Variants in PARL observed in about 807,000 individuals in gnomAD.
The protein encoded by PARL is presenilin-associated rhomboid-like protein, mitochondrial.
PARL carries 44 observed loss-of-function variants against 51.6 expected under a neutral mutation model. The observed-to-expected ratio is 0.85, with a 90% CI of 0.67 to 1.10. The LOEUF is 1.10. PARL is among the 50% of genes least tolerant of loss of function. The pLI is 0.00. For synonymous variants in PARL, 172 were observed against 164.0 expected (o/e 1.05, Z -0.37); for missense variants, 441 against 469.5 (o/e 0.94, Z 0.56).
intron 4 of PARL, chr3:183,844,735 T>C (rs1729751094): frequency 5.6e-6 from 1 of 179,178 alleles, no homozygotes; most frequent in African/African-American, 2.4e-5. Context: ...CCTCAGGGCA[T>C]GGTATGCTTC....
chr3:183,837,929 T>A (rs545854296), intron 7 of PARL, among the ~76,000 whole-genome samples: 6 of 151,752 alleles, frequency 4.0e-5, no homozygotes, highest in Admixed American at 2.6e-4. Context: ...CTTGGCAACA[T>A]AGGGAGACCC....
chr3:183,872,895 A>G (rs993911998), intron 1 of PARL, among the ~76,000 whole-genome samples: 1 of 152,212 alleles, frequency 6.6e-6, no homozygotes, highest in Non-Finnish European at 1.5e-5. Context: ...CAAGGGATTC[A>G]GACACTAACC....
chr3:183,856,578 ACTGTC>A (rs1731209014), intron 4 of PARL: 1 of 152,298 alleles, frequency 6.6e-6, no homozygotes, highest in South Asian at 2.1e-4. Flanking sequence ...ACCCAGAGAG[ACTGTC>A]CATCTTCCAT....
intron 1 of PARL, among the ~76,000 whole-genome samples, chr3:183,868,442 G>A (rs922042415): frequency 6.6e-6 from 1 of 151,394 alleles, no homozygotes; most frequent in African/African-American, 2.4e-5. Context: ...GCTAGAGTAC[G>A]ATTACTCCCT....
chr3:183,882,430 GAGAGAA>G (rs1284554681), intron 1 of PARL, among the ~76,000 whole-genome samples: 1 of 148,418 alleles, frequency 6.7e-6, no homozygotes, highest in Non-Finnish European at 1.5e-5. Flanking sequence ...GAGAGAGAGA[GAGAGAA>G]AGAGAGAGAC....
At chr3:183,883,454 G>C (rs1254485227) in intron 1 of PARL, 1 of 227,662 alleles carries the variant, frequency 4.4e-6, no homozygotes, top group African/African-American at 2.3e-5. Flanking sequence ...ATTTTTAGTA[G>C]AGACGGGGTT....
chr3:183,883,928 G>GT (rs1397154759), intron 1 of PARL, among the ~76,000 whole-genome samples: 2 of 152,182 alleles, frequency 1.3e-5, no homozygotes, highest in Non-Finnish European at 2.9e-5. Context: ...ACTATCCCAC[G>GT]TGTTGATAAA....
intron 1 of PARL, among the ~76,000 whole-genome samples, chr3:183,868,736 C>T (rs1400894577): frequency 6.6e-6 from 1 of 152,180 alleles, no homozygotes; most frequent in Non-Finnish European, 1.5e-5. Context: ...AGAATGACTT[C>T]TGGTTTTTTG....
At chr3:183,837,123 G>A (rs1728707959) in intron 7 of PARL, among the ~76,000 whole-genome samples, 1 of 152,140 alleles carries the variant, frequency 6.6e-6, no homozygotes. Context: ...TATAATTTAA[G>A]TGAATCTGCT....
Position 183,871,494 on chromosome 3 carries a change from T to C in PARL, c.126-3434A>G, listed in dbSNP as rs1396320544. Among the ~76,000 whole-genome samples the C allele has an allele frequency of 4.4e-5, 5 of 112,960 alleles. No homozygotes were observed. The East Asian group carries it at 1.1e-3, about 24-fold the overall frequency. 74.1% of individuals were successfully genotyped at this position (112,960 alleles called of 152,430 possible). On this transcript the variant is annotated intron_variant, in intron 1 of 9. Coordinates refer to ENST00000317096, the MANE Select transcript of PARL (RefSeq NM_018622.7). The stretch of plus-strand genomic sequence containing the variant: ...CAGGAGAAATTCTGTGGTATATTCA[T>C]ATAATGGAATATTACACTTGGCCAA...
intron 4 of PARL, among the ~76,000 whole-genome samples, chr3:183,859,023 C>T (rs1293913275): frequency 6.6e-6 from 1 of 152,050 alleles, no homozygotes; most frequent in African/African-American, 2.4e-5. Context: ...AAACTACAGA[C>T]TCGCCGGGCG....
chr3:183,877,817 T>C (rs78024875), intron 1 of PARL, among the ~76,000 whole-genome samples: 6 of 151,998 alleles, frequency 3.9e-5, no homozygotes, highest in African/African-American at 1.2e-4. Flanking sequence ...TTTTTTTTTT[T>C]TGAGACAGTG....
intron 3 of PARL, among the ~76,000 whole-genome samples, chr3:183,864,182 T>C (rs1454903721): frequency 6.6e-6 from 1 of 152,214 alleles, no homozygotes; most frequent in African/African-American, 2.4e-5. Context: ...CTAACACAGA[T>C]AGGGCTCATG....
intron 4 of PARL, among the ~76,000 whole-genome samples, chr3:183,859,832 G>T (rs1461672585): frequency 6.6e-6 from 1 of 152,200 alleles, no homozygotes; most frequent in Middle Eastern, 3.4e-3. Flanking sequence ...TGAACTTACC[G>T]TATCCAAAAT....
intron 9 of PARL, among the ~76,000 whole-genome samples, chr3:183,832,640 T>A (rs1728089539): frequency 6.6e-6 from 1 of 152,098 alleles, no homozygotes; most frequent in African/African-American, 2.4e-5. Flanking sequence ...CCCGAGGGGA[T>A]CCAGCTCATG....
chr3:183,866,501 C>T (rs1359041507), intron 3 of PARL, 124 bp downstream of exon 3: 1 of 804,750 alleles, frequency 1.2e-6, no homozygotes, highest in African/African-American at 1.7e-5. Context: ...TATTCAGTTC[C>T]TCAGATTTCA....
At chr3:183,857,365 C>G (rs531106009) in intron 4 of PARL, among the ~76,000 whole-genome samples, 1 of 152,286 alleles carries the variant, frequency 6.6e-6, no homozygotes, top group African/African-American at 2.4e-5. Context: ...AGTTGTACAT[C>G]TGACATATTC....
At chr3:183,868,599 G>A (rs1354951372) in intron 1 of PARL, among the ~76,000 whole-genome samples, 2 of 152,032 alleles carry the variant, frequency 1.3e-5, no homozygotes, top group Admixed American at 1.3e-4. Context: ...TGTAGAGATG[G>A]GGTTCTGCCA....
downstream of PARL, among the ~76,000 whole-genome samples, chr3:183,828,018 C>T (rs146849228): frequency 6.6e-5 from 10 of 152,306 alleles, no homozygotes; most frequent in East Asian, 1.5e-3. Flanking sequence ...GCAGTGATCG[C>T]GGGTCCCCAG....
Sources: gnomAD v4.1 joint callset for allele counts (sites outside exome capture counted in the v4.1 genomes callset) on GRCh38, gnomAD v4.1.1 for gene constraint, MANE v1.5 for transcripts, NCBI Gene and HGNC (gene_info 2026-07-23, HGNC 2026-07-21) for gene names.